The following FBXL7 variants were observed in gnomAD, a reference collection of about 807,000 sequenced individuals.
FBXL7 encodes F-box/LRR-repeat protein 7.
A neutral mutation model predicts 38.3 loss-of-function variants in FBXL7; 12 were observed. That is an observed-to-expected ratio of 0.31 (90% confidence interval 0.20 to 0.51). The LOEUF is 0.51. FBXL7 is among the 20% of genes least tolerant of loss of function. The pLI is 0.98. For missense variants in FBXL7, 567 were observed against 676.4 expected (o/e 0.84, Z 1.79); for synonymous variants, 297 against 300.9 (o/e 0.99, Z 0.13).
chr5:15,746,025 G>C (rs1423933698), intron 2 of FBXL7, among the ~76,000 whole-genome samples: 1 of 152,158 alleles, frequency 6.6e-6, no homozygotes, highest in African/African-American at 2.4e-5. Context: ...TGGTGAGAGG[G>C]TGAGAAGTGG....
chr5:15,552,655 C>T (rs1368467844), intron 1 of FBXL7, among the ~76,000 whole-genome samples: 2 of 152,208 alleles, frequency 1.3e-5, no homozygotes, highest in African/African-American at 4.8e-5. Flanking sequence ...CTGATCCACC[C>T]ATCTCCACTC....
chr5:15,792,174 C>T (rs191788224), intron 2 of FBXL7, among the ~76,000 whole-genome samples: 30 of 152,254 alleles, frequency 2.0e-4, no homozygotes, highest in Admixed American at 1.4e-3. Flanking sequence ...CACCTGACAT[C>T]GTAGCTGTCA....
At chr5:15,587,096 A>G (rs1739328259) in intron 1 of FBXL7, among the ~76,000 whole-genome samples, 1 of 152,154 alleles carries the variant, frequency 6.6e-6, no homozygotes, top group Admixed American at 6.5e-5. Flanking sequence ...TTTCATAACT[A>G]AAACCTGCCA....
intron 2 of FBXL7, among the ~76,000 whole-genome samples, chr5:15,653,833 C>A (rs1178503403): frequency 6.6e-6 from 1 of 152,120 alleles, no homozygotes; most frequent in East Asian, 1.9e-4. Context: ...TCATCATTTC[C>A]CTTGGGGAGC....
intron 2 of FBXL7, among the ~76,000 whole-genome samples, chr5:15,726,557 G>A (rs1171974013): frequency 6.6e-6 from 1 of 152,064 alleles, no homozygotes; most frequent in Admixed American, 6.6e-5. Flanking sequence ...GCTGGGCGTG[G>A]TGGTGTGCCT....
chr5:15,503,464 C>G (rs1397263672), intron 1 of FBXL7, among the ~76,000 whole-genome samples: 1 of 152,196 alleles, frequency 6.6e-6, no homozygotes, highest in Non-Finnish European at 1.5e-5. Context: ...AAAGCTGAGT[C>G]TTGGCCAATC....
chr5:15,502,157 G>C (rs963178736), intron 1 of FBXL7, among the ~76,000 whole-genome samples: 4 of 151,972 alleles, frequency 2.6e-5, no homozygotes, highest in Non-Finnish European at 1.5e-5. Flanking sequence ...GTCAGTTCTG[G>C]GTGTATGCTA....
At chr5:15,863,878 G>C (rs1480695114) in intron 2 of FBXL7, among the ~76,000 whole-genome samples, 2 of 152,124 alleles carry the variant, frequency 1.3e-5, no homozygotes, top group African/African-American at 2.4e-5. Context: ...GCAGCTGTTG[G>C]CCCTCACTAG....
intron 1 of FBXL7, among the ~76,000 whole-genome samples, chr5:15,549,971 G>A (rs1185705610): frequency 2.0e-5 from 3 of 152,190 alleles, no homozygotes; most frequent in Non-Finnish European, 4.4e-5. Flanking sequence ...TGGTACTGCT[G>A]CATGCAAGGT....
At chr5:15,670,668 G>A (rs1742435666) in intron 2 of FBXL7, among the ~76,000 whole-genome samples, 1 of 152,122 alleles carries the variant, frequency 6.6e-6, no homozygotes, top group East Asian at 1.9e-4. Flanking sequence ...CGGTGCAATG[G>A]CATGTGCCTG....
rs1446217676 is a variant in FBXL7 at position 15,827,623 on chromosome 5, T to TA, written c.128-100266dup. 7.9e-5 allele frequency among the ~76,000 whole-genome samples: 12 copies of TA among 152,258 alleles called. No individual in the cohort carries two copies. In the South Asian group the frequency reaches 2.3e-3, roughly 29 times the overall value. On this transcript the variant is annotated intron_variant, in intron 2 of 3. Transcript: ENST00000504595. ...AGAAAGAGAGAAAGGGGTCTGAACT[T>TA]ACCAATGAATCCACTCCATGATAAC...
At chr5:15,814,239 A>G (rs1477926149) in intron 2 of FBXL7, among the ~76,000 whole-genome samples, 2 of 152,214 alleles carry the variant, frequency 1.3e-5, no homozygotes, top group African/African-American at 2.4e-5. Context: ...ATGGAATACT[A>G]TGCAGCCATA....
rs557107056 is a variant in FBXL7, at chr5:15,700,233, G to A, written c.127+84161G>A. Among the ~76,000 whole-genome samples the A allele has an allele frequency of 3.3e-5, 5 of 152,242 alleles. No individual in the cohort carries two copies. In the South Asian group the frequency reaches 1.0e-3, roughly 32 times the overall value. The stretch of plus-strand genomic sequence containing the variant: ...AAAATGTAAACATGAGTTCACCCTA[G>A]TCTCTAAAGACTTCAAGAGGCCATG... On this transcript the variant is annotated intron_variant, in intron 2 of 3. Coordinates refer to ENST00000504595, the MANE Select transcript of FBXL7 (RefSeq NM_012304.5).
At chr5:15,900,676 TAAC>T (rs1289557604) in intron 2 of FBXL7, among the ~76,000 whole-genome samples, 1 of 152,162 alleles carries the variant, frequency 6.6e-6, no homozygotes, top group East Asian at 1.9e-4. Flanking sequence ...TGTCTCCAAA[TAAC>T]AAATAAATCA....
intron 1 of FBXL7, among the ~76,000 whole-genome samples, chr5:15,521,101 A>C (rs1737086323): frequency 6.6e-6 from 1 of 152,224 alleles, no homozygotes; most frequent in Non-Finnish European, 1.5e-5. Flanking sequence ...ACTAATTGCT[A>C]GTTGCCCGAT....
At chr5:15,539,146 G>T (rs1456839861) in intron 1 of FBXL7, among the ~76,000 whole-genome samples, 1 of 152,120 alleles carries the variant, frequency 6.6e-6, no homozygotes, top group African/African-American at 2.4e-5. Context: ...CTTCTCTTGT[G>T]AACAATTTAT....
At chr5:15,862,142 T>C (rs1553555) in intron 2 of FBXL7, among the ~76,000 whole-genome samples, 127,170 of 152,170 alleles carry the variant, frequency 0.84, 53,440 homozygotes, top group African/African-American at 0.91. Context: ...CCCATAATTC[T>C]CTCATGTTGT....
At chr5:15,791,029 C>T (rs866612052) in intron 2 of FBXL7, among the ~76,000 whole-genome samples, 36 of 144,692 alleles carry the variant, frequency 2.5e-4, no homozygotes, top group Middle Eastern at 3.9e-3. Context: ...TAGCCAGGTA[C>T]ACCTGTTCTA....
At chr5:15,594,510 G>A (rs746169316) in intron 1 of FBXL7, among the ~76,000 whole-genome samples, 8 of 152,152 alleles carry the variant, frequency 5.3e-5, no homozygotes, top group Non-Finnish European at 1.0e-4. Flanking sequence ...GATGTGTGTC[G>A]CCCAGGGCTA....
Sources: gnomAD v4.1 joint callset for allele counts (sites outside exome capture counted in the v4.1 genomes callset) on GRCh38, gnomAD v4.1.1 for gene constraint, MANE v1.5 for transcripts, NCBI Gene and HGNC (gene_info 2026-07-23, HGNC 2026-07-21) for gene names.